NXN: variants seen among roughly 807,000 people sequenced by gnomAD.
NXN encodes the protein nucleoredoxin, also known as nucleoredoxin 1.
Under a neutral mutation model 48.6 loss-of-function variants are expected in NXN, and 16 were observed. That is an observed-to-expected ratio of 0.33 (90% CI 0.22 to 0.50). The LOEUF is 0.50. Among genes scored for constraint, NXN ranks in the 20% least tolerant of loss-of-function variants. NXN has a pLI of 0.98. For synonymous variants in NXN, 281 were observed against 269.6 expected (o/e 1.04, Z -0.41); for missense variants, 492 against 605.5 (o/e 0.81, Z 1.97).
At chr17:818,817 G>A (rs907335164) in intron 5 of NXN, among the ~76,000 whole-genome samples, 14 of 151,096 alleles carry the variant, frequency 9.3e-5, no homozygotes, top group South Asian at 2.1e-4. Context: ...CCCGGGAGGC[G>A]GAGCTTGCAG....
At chr17:848,929 A>T (rs1036109459) in intron 1 of NXN, among the ~76,000 whole-genome samples, 1 of 152,242 alleles carries the variant, frequency 6.6e-6, no homozygotes, top group Non-Finnish European at 1.5e-5. Context: ...TCCATACCAC[A>T]CATGTGCCTG....
intron 1 of NXN, among the ~76,000 whole-genome samples, chr17:876,932 G>A (rs902316123): frequency 1.3e-5 from 2 of 151,792 alleles, no homozygotes; most frequent in African/African-American, 4.8e-5. Context: ...CCTGTAATCC[G>A]AGCTACTCAG....
intron 5 of NXN, among the ~76,000 whole-genome samples, chr17:808,392 TC>T (rs1185848360): frequency 1.3e-5 from 2 of 149,408 alleles, no homozygotes; most frequent in East Asian, 2.0e-4. Context: ...AAGCTCCACC[TC>T]CCGGGTTCAA....
intron 1 of NXN, among the ~76,000 whole-genome samples, chr17:854,177 G>A (rs1027098244): frequency 1.7e-4 from 26 of 152,142 alleles, no homozygotes; most frequent in African/African-American, 5.8e-4. Flanking sequence ...TGGATTAAAC[G>A]AATGAATCTG....
Position 919,575 on chromosome 17 carries a change from A to C in NXN, c.360+59744T>G, listed in dbSNP as rs1198796806. Among the ~76,000 whole-genome samples, 1 of 152,088 alleles carries C rather than the reference A, an allele frequency of 6.6e-6. No individual in the cohort carries two copies. Among genetic ancestry groups the C allele is most frequent in the African/African-American group, 2.4e-5 (1 of 41,392 alleles). The stretch of plus-strand genomic sequence containing the variant: ...ACGGCTTTCTACAGCACCTCCTCGT[A>C]TCGTGGGTTACAGAACCTACGTCGT... On this transcript the variant is annotated intron_variant, in intron 1 of 7. Transcript: ENST00000336868. This position sits in a 1 kb window ranked among gnomAD's most constrained non-coding sequence, Gnocchi z 5.1.
intron 1 of NXN, among the ~76,000 whole-genome samples, chr17:916,067 G>A (rs1020154641): frequency 5.9e-5 from 9 of 152,220 alleles, no homozygotes; most frequent in African/African-American, 2.2e-4. Context: ...CCAAGCCATT[G>A]TTCTACTCAA....
chr17:971,612 C>A (rs890725032), intron 1 of NXN, among the ~76,000 whole-genome samples: 2 of 151,138 alleles, frequency 1.3e-5, no homozygotes, highest in African/African-American at 2.4e-5. Flanking sequence ...CGGGAGGCTG[C>A]GGCAGGAGAA....
chr17:979,560 C>A lies in NXN; in HGVS notation c.119G>T (p.Cys40Phe). Residue 40 changes from cysteine to phenylalanine, a missense_variant, in exon 1 of 8, where the codon TGC becomes TTC. Around this residue, in one of 3 missense-constraint regions of NXN, gnomAD observed 186 missense variants for 199.1 expected, o/e 0.93. Transcript: ENST00000336868. ...GISLLGLYFG[C>F]SLSAPCAQLS... is the part of the protein sequence containing the mutation. ...CTGCGCGCAGGGGGCGCTGAGGCTGCAGCCGAAGTAGAGACCCAGCAGCGA... is the reference window on the plus strand; with the variant it reads ...CTGCGCGCAGGGGGCGCTGAGGCTGAAGCCGAAGTAGAGACCCAGCAGCGA... 7.2e-7 allele frequency: 1 copy of A among 1,385,282 alleles called. No homozygotes were observed. The highest frequency in any genetic ancestry group is 9.4e-7 in the Non-Finnish European group (1 of 1,064,674). The allele number at this position is 1,385,282 out of a possible 1,614,324, so 85.8% of individuals were successfully genotyped here.
chr17:918,557 C>T (rs1490050041), intron 1 of NXN, among the ~76,000 whole-genome samples: 1 of 152,110 alleles, frequency 6.6e-6, no homozygotes, highest in South Asian at 2.1e-4. Context: ...GAAAGTGAGG[C>T]CGAGGCGGGC....
chr17:957,230 C>G (rs2069180903), intron 1 of NXN, among the ~76,000 whole-genome samples: 1 of 152,062 alleles, frequency 6.6e-6, no homozygotes, highest in Non-Finnish European at 1.5e-5. Flanking sequence ...CCACCCCCCT[C>G]CCCCAACACT....
At chr17:885,734 G>A (rs1221288955) in intron 1 of NXN, among the ~76,000 whole-genome samples, 1 of 137,794 alleles carries the variant, frequency 7.3e-6, no homozygotes, top group Non-Finnish European at 1.5e-5. Context: ...AGGCTGGAGT[G>A]CAGTGGCGCA....
chr17:913,558 G>C (rs145227040), intron 1 of NXN, among the ~76,000 whole-genome samples: 1 of 152,028 alleles, frequency 6.6e-6, no homozygotes, highest in Non-Finnish European at 1.5e-5. Flanking sequence ...TGGCACAACA[G>C]AGACCAAAGG....
intron 5 of NXN, among the ~76,000 whole-genome samples, chr17:806,659 T>C (rs753455167): frequency 2.0e-5 from 3 of 152,116 alleles, no homozygotes; most frequent in Non-Finnish European, 4.4e-5. Context: ...TTAATATTTA[T>C]AGATTCCCAA....
rs562132103 is a variant in NXN, at chr17:826,111, G to C, written c.361-33C>G. 148 of 1,401,236 alleles carry C rather than the reference G, an allele frequency of 1.1e-4. 4 individuals are homozygous for C. The South Asian group carries it at 1.6e-3, about 15-fold the overall frequency. The allele number at this position is 1,401,236 out of a possible 1,614,324, so 86.8% of individuals were successfully genotyped here. On this transcript the variant is annotated intron_variant, in intron 1 of 7. Coordinates refer to ENST00000336868, the MANE Select transcript of NXN (RefSeq NM_022463.5). ...AAGAAAAGCAAAAGAAGGTGGTTAA[G>C]TCCAAACCAGATTCATTGCAGAGTT...
At chr17:853,491 C>G (rs2067947430) in intron 1 of NXN, among the ~76,000 whole-genome samples, 1 of 151,816 alleles carries the variant, frequency 6.6e-6, no homozygotes, top group Admixed American at 6.6e-5. Context: ...CCACTGAAGT[C>G]TCTTTCCCAC....
intron 1 of NXN, among the ~76,000 whole-genome samples, chr17:904,265 G>A (rs41421745): frequency 0.16 from 24,455 of 150,288 alleles, 2,585 homozygotes; most frequent in Middle Eastern, 0.29. Flanking sequence ...TTGCTGCGGA[G>A]AGCGGGACCT....
chr17:888,752 C>T (rs1316571747), intron 1 of NXN, among the ~76,000 whole-genome samples: 5 of 151,604 alleles, frequency 3.3e-5, no homozygotes, highest in Non-Finnish European at 5.9e-5. Flanking sequence ...GTCAGGAGTT[C>T]GAGACCAGCC....
chr17:829,834 G>C (rs373615338), intron 1 of NXN, among the ~76,000 whole-genome samples: 6 of 152,272 alleles, frequency 3.9e-5, no homozygotes, highest in East Asian at 1.9e-4. Flanking sequence ...GTATTCCATG[G>C]TGTATATGTG....
At chr17:935,453 C>T (rs2068898047) in intron 1 of NXN, among the ~76,000 whole-genome samples, 1 of 152,150 alleles carries the variant, frequency 6.6e-6, no homozygotes, top group Admixed American at 6.6e-5. Flanking sequence ...TCCGCTCGGT[C>T]ATGGCCGGCG....
Sources: allele counts gnomAD v4.1 joint callset (sites outside exome capture counted in the v4.1 genomes callset), GRCh38; gene constraint gnomAD v4.1.1; regional missense constraint gnomAD v4.1.1; non-coding constraint Gnocchi (gnomAD v3.1); transcripts MANE v1.5; gene names NCBI Gene and HGNC (gene_info 2026-07-23, HGNC 2026-07-21).